IL1RAPL1: variants seen among roughly 807,000 people sequenced by gnomAD.
IL1RAPL1 encodes the protein interleukin-1 receptor accessory protein-like 1.
In IL1RAPL1, 3 loss-of-function variants were observed where a neutral mutation model predicts 48.4. The ratio of observed to expected loss-of-function variants is 0.06; its 90% confidence interval spans 0.03 to 0.16. The LOEUF (loss-of-function observed/expected upper bound fraction) is 0.16. IL1RAPL1 is among the 10% of genes least tolerant of loss of function. The pLI, the probability that IL1RAPL1 is intolerant of heterozygous loss-of-function variation, is 1.00. For synonymous variants in IL1RAPL1, 185 were observed against 187.7 expected (o/e 0.99, Z 0.12); for missense variants, 349 against 530.6 (o/e 0.66, Z 3.36).
intron 6 of IL1RAPL1, among the ~76,000 whole-genome samples, chrX:29,673,890 T>C (rs1304996623): frequency 8.9e-6 from 1 of 112,011 alleles, no homozygotes; most frequent in Non-Finnish European, 1.9e-5. Flanking sequence ...TAAAAAGGAA[T>C]ACTTGTCATA....
chrX:28,808,753 CT>C (rs1441411531), intron 2 of IL1RAPL1, among the ~76,000 whole-genome samples: 3 of 110,818 alleles, frequency 2.7e-5, no homozygotes, highest in African/African-American at 9.8e-5. Flanking sequence ...TTATACCTCA[CT>C]TTAGCCAAAA....
intron 2 of IL1RAPL1, among the ~76,000 whole-genome samples, chrX:29,099,740 T>C (rs1276781638): frequency 8.9e-6 from 1 of 112,282 alleles, no homozygotes; most frequent in Non-Finnish European, 1.9e-5. Flanking sequence ...TGAAAGTTGG[T>C]AGTTCTTTTA....
intron 2 of IL1RAPL1, among the ~76,000 whole-genome samples, chrX:29,174,849 T>G (rs1403629698): frequency 9.0e-6 from 1 of 110,791 alleles, no homozygotes; most frequent in Non-Finnish European, 1.9e-5. Flanking sequence ...CCAAGGTGGG[T>G]GGATCACGAG....
At chrX:29,244,841 A>T (rs1314840680) in intron 2 of IL1RAPL1, among the ~76,000 whole-genome samples, 1 of 109,969 alleles carries the variant, frequency 9.1e-6, no homozygotes, top group Non-Finnish European at 1.9e-5. Context: ...TAAGTCTGGG[A>T]TACATGTGCA....
chrX:29,120,377 C>A (rs1242895623), intron 2 of IL1RAPL1, among the ~76,000 whole-genome samples: 1 of 111,750 alleles, frequency 8.9e-6, no homozygotes, highest in Non-Finnish European at 1.9e-5. Context: ...GTTATCCCAG[C>A]ACCATTGATT....
At chrX:28,593,049 C>A (rs5943453) in intron 1 of IL1RAPL1, among the ~76,000 whole-genome samples, 1,899 of 111,734 alleles carry the variant, frequency 0.017, 16 homozygotes, top group Non-Finnish European at 0.026. Flanking sequence ...TTAATTTTCA[C>A]CCAGAAAATG....
At chrX:28,930,798 C>T (rs1000181539) in intron 2 of IL1RAPL1, among the ~76,000 whole-genome samples, 1 of 110,987 alleles carries the variant, frequency 9.0e-6, no homozygotes, top group Non-Finnish European at 1.9e-5. Context: ...CCTGCCACCA[C>T]GCCCGGCTAA....
intron 2 of IL1RAPL1, among the ~76,000 whole-genome samples, chrX:28,939,920 T>C (rs1354616550): frequency 9.0e-6 from 1 of 111,048 alleles, no homozygotes; most frequent in Admixed American, 9.6e-5. Flanking sequence ...AATAGGAATA[T>C]GGTATGCAAA....
chrX:28,914,248 T>C (rs1923430877), intron 2 of IL1RAPL1, among the ~76,000 whole-genome samples: 1 of 111,039 alleles, frequency 9.0e-6, no homozygotes, highest in Non-Finnish European at 1.9e-5. Context: ...CTTAGGACTC[T>C]ATACTTAGGA....
At chrX:29,094,596 T>TAA (rs774154497) in intron 2 of IL1RAPL1, among the ~76,000 whole-genome samples, 170 of 68,109 alleles carry the variant, frequency 2.5e-3, no homozygotes, top group Middle Eastern at 7.7e-3. Flanking sequence ...TATCTCTACT[T>TAA]AAAAAAAAAA....
intron 5 of IL1RAPL1, among the ~76,000 whole-genome samples, chrX:29,566,872 T>G (rs1205571383): frequency 9.0e-6 from 1 of 111,563 alleles, no homozygotes; most frequent in Non-Finnish European, 1.9e-5. Context: ...CTTCAGAACA[T>G]ACAGAGCCAC....
intron 6 of IL1RAPL1, among the ~76,000 whole-genome samples, chrX:29,876,199 A>T (rs1043175588): frequency 6.3e-5 from 7 of 111,667 alleles, no homozygotes; most frequent in African/African-American, 2.0e-4. Context: ...TGCCAAAAAA[A>T]ATGTAGTCCT....
intron 1 of IL1RAPL1, among the ~76,000 whole-genome samples, chrX:28,735,725 A>G (rs933260724): frequency 5.4e-5 from 6 of 110,950 alleles, no homozygotes; most frequent in Admixed American, 2.9e-4. Context: ...AGCTATGATC[A>G]TGCCACTGCA....
chrX:28,895,122 G>A lies in IL1RAPL1; in HGVS notation c.82+105697G>A, dbSNP rs769025295. On this transcript the variant is annotated intron_variant, in intron 2 of 10. Transcript: ENST00000378993. ...CGTTTGAGATCTAGAACAGAATAAT[G>A]GGTTGTGGAGGGAGGTATTGAGGAT... Among the ~76,000 whole-genome samples, 3 of 110,559 alleles carry A rather than the reference G, an allele frequency of 2.7e-5. No individual in the cohort carries two copies. In the East Asian group the frequency reaches 8.6e-4, roughly 32 times the overall value.
chrX:29,167,135 C>T (rs965428814), intron 2 of IL1RAPL1, among the ~76,000 whole-genome samples: 2 of 111,641 alleles, frequency 1.8e-5, no homozygotes, highest in Non-Finnish European at 3.8e-5. Context: ...AACCTTGCAT[C>T]TTGTTTTGAA....
chrX:28,768,755 C>CTATATATATATA (rs1207885215), intron 1 of IL1RAPL1, among the ~76,000 whole-genome samples: 19 of 34,845 alleles, frequency 5.5e-4, no homozygotes, highest in East Asian at 2.7e-3. Context: ...CTCTCTCTCT[C>CTATATATATATA]TATATATATA....
At chrX:29,938,399 C>T (rs1008459420) in intron 8 of IL1RAPL1, among the ~76,000 whole-genome samples, 5 of 110,988 alleles carry the variant, frequency 4.5e-5, no homozygotes, top group African/African-American at 1.6e-4. Flanking sequence ...GCCACATGCC[C>T]AGCCCCTGTG....
intron 2 of IL1RAPL1, among the ~76,000 whole-genome samples, chrX:28,808,538 A>G (rs1419541023): frequency 9.0e-6 from 1 of 111,288 alleles, no homozygotes; most frequent in Non-Finnish European, 1.9e-5. Context: ...TTTCATATAG[A>G]TAATTTATAC....
intron 2 of IL1RAPL1, among the ~76,000 whole-genome samples, chrX:28,990,765 G>C (rs756888916): frequency 1.3e-4 from 14 of 111,538 alleles, no homozygotes; most frequent in African/African-American, 4.6e-4. Context: ...CATCCTGTGT[G>C]GCTCACCCAA....
Sources: allele counts gnomAD v4.1 joint callset (sites outside exome capture counted in the v4.1 genomes callset), GRCh38; gene constraint gnomAD v4.1.1; transcripts MANE v1.5; gene names NCBI Gene and HGNC (gene_info 2026-07-23, HGNC 2026-07-21).